AKAP9: variants seen among roughly 807,000 people sequenced by gnomAD.
AKAP9 encodes A-kinase anchoring protein 9.
In AKAP9, 311 loss-of-function variants were observed where a neutral mutation model predicts 488.5. The observed-to-expected ratio is 0.64, with a 90% CI of 0.58 to 0.70. AKAP9 has a LOEUF of 0.70. Ranked by LOEUF, AKAP9 falls within the 30% of genes least tolerant of loss-of-function variation. The pLI is 0.00. For synonymous variants in AKAP9, 1,462 were observed against 1,483.5 expected, an observed-to-expected ratio of 0.99 and a Z score of 0.33; for missense variants, 4,215 against 4,374.5, an observed-to-expected ratio of 0.96 and a Z score of 1.03.
intron 17 of AKAP9, 23 bp from the exon 18 acceptor site, chr7:92,040,651 T>G (rs781044481): frequency 8.9e-6 from 13 of 1,456,664 alleles, no homozygotes; most frequent in Middle Eastern, 1.7e-4. Context: ...GAATTGTTTT[T>G]TTTTTTTTTT....
At chr7:92,054,022 G>A (rs956516559) in intron 22 of AKAP9, among the ~76,000 whole-genome samples, 1 of 152,052 alleles carries the variant, frequency 6.6e-6, no homozygotes, top group South Asian at 2.1e-4. Context: ...CTAGTTGTTG[G>A]CATTAGGTAT....
chr7:91,996,408 G>A (rs755439800), intron 7 of AKAP9, among the ~76,000 whole-genome samples: 24 of 152,110 alleles, frequency 1.6e-4, no homozygotes, highest in Non-Finnish European at 3.2e-4. Context: ...GTTCAGAAGT[G>A]ACTTGCCTGA....
chr7:91,958,642 C>T (rs143113472), intron 1 of AKAP9, among the ~76,000 whole-genome samples: 1,853 of 152,068 alleles, frequency 0.012, 20 homozygotes, highest in Non-Finnish European at 0.017. Flanking sequence ...AGTAAATATA[C>T]TTTAGAGTTG....
intron 17 of AKAP9, among the ~76,000 whole-genome samples, chr7:92,040,238 C>A (rs1441734200): frequency 6.6e-6 from 1 of 152,040 alleles, no homozygotes; most frequent in African/African-American, 2.4e-5. Flanking sequence ...ACTGTGATAA[C>A]CACTGTGTAA....
chr7:92,091,304 C>T (rs528950349), intron 38 of AKAP9, among the ~76,000 whole-genome samples: 1 of 151,956 alleles, frequency 6.6e-6, no homozygotes, highest in African/African-American at 2.4e-5. Context: ...AAAGCTGAAG[C>T]AGGCTGGGCC....
rs1342889309 is a variant in AKAP9, at chr7:92,052,734, G to A, written c.5377G>A (p.Glu1793Lys). Residue 1793 changes from glutamate (E) to lysine (K), a missense_variant, in exon 22 of 50, where the codon GAA (glutamate) becomes AAA (lysine). Physicochemically the swap from Glu to Lys is moderately conservative, Grantham distance 56. Transcript: ENST00000356239. ...AAACACTGTTATTCTAGTTACAGAT[G>A]AATCCATTCCCTCTTATTCTGGAAG... is the stretch of plus-strand genomic sequence containing the variant. ...VHEEHTRVTD[E>K]SIPSYSGSDM... The A allele has an allele frequency of 6.2e-7, 1 of 1,607,362 alleles. No homozygotes were observed. Among genetic ancestry groups the A allele is most frequent in the Admixed American group, 1.7e-5 (1 of 59,950 alleles).
In AKAP9 at chr7:92,110,193, A is replaced by C. The variant is rs1408685745; in HGVS notation, c.*34A>C. 2 of 1,536,036 alleles carry C rather than the reference A, an allele frequency of 1.3e-6. No homozygotes were observed. The highest frequency in any genetic ancestry group is 1.1e-5 in the South Asian group (1 of 87,280). ...AACATCATTAATTGAAGTGATTTTA[A>C]ATAGATTTCCTTTTGTAAATCAATG... is the stretch of plus-strand genomic sequence containing the variant. On this transcript the variant is annotated 3_prime_UTR_variant, in exon 50 of 50. Coordinates refer to ENST00000356239, the MANE Select transcript of AKAP9 (RefSeq NM_005751.5).
At position 92,062,468 on chromosome 7, in the gene AKAP9, G is replaced by T. The variant is rs759033697; in HGVS notation, c.5959G>T (p.Ala1987Ser). Residue 1987 changes from alanine (A) to serine (S), a missense_variant, in exon 24 of 50, where the codon GCA becomes TCA. By Grantham distance (99) the Ala-to-Ser change is moderately conservative. Around this residue, in one of 5 missense-constraint regions of AKAP9, gnomAD observed 2,361 missense variants for 2,430.0 expected, o/e 0.97. Transcript: ENST00000356239. The part of the protein sequence containing the change: ...SRQKEAMKAE[A>S]GPVEQQLLQE... ...ACAAAAGGAAGCTATGAAAGCAGAG[G>T]CAGGCCCAGTTGAACAACGTAAGTA... The T allele has an allele frequency of 5.0e-6, 8 of 1,613,274 alleles. No homozygotes were observed. The highest frequency in any genetic ancestry group is 3.3e-5 in the South Asian group (3 of 91,082).
chr7:92,078,158 G>T (rs927499393), intron 30 of AKAP9, among the ~76,000 whole-genome samples: 1 of 151,824 alleles, frequency 6.6e-6, no homozygotes, highest in Non-Finnish European at 1.5e-5. Flanking sequence ...CATCACACCT[G>T]GCTAATTTTT....
At chr7:92,101,994 A>G (rs1402816270) in intron 45 of AKAP9, among the ~76,000 whole-genome samples, 2 of 152,044 alleles carry the variant, frequency 1.3e-5, no homozygotes, top group African/African-American at 4.8e-5. Context: ...CATCTCTACT[A>G]GAAATACAAA....
At chr7:92,060,162 A>C (rs1809518464) in intron 22 of AKAP9, among the ~76,000 whole-genome samples, 1 of 152,074 alleles carries the variant, frequency 6.6e-6, no homozygotes, top group South Asian at 2.1e-4. Context: ...AGTCTTTAAC[A>C]ATAAAGTATC....
intron 14 of AKAP9, among the ~76,000 whole-genome samples, chr7:92,028,855 G>A (rs1006779402): frequency 1.7e-4 from 26 of 152,150 alleles, no homozygotes; most frequent in African/African-American, 4.6e-4. Context: ...AGATATGTTT[G>A]TGGAGATCTG....
intron 1 of AKAP9, among the ~76,000 whole-genome samples, chr7:91,958,161 T>C (rs1360079152): frequency 6.6e-6 from 1 of 152,240 alleles, no homozygotes; most frequent in Non-Finnish European, 1.5e-5. Context: ...TCCATCAACA[T>C]GGATCACTAT....
At chr7:92,007,112 T>C (rs375797753) in intron 8 of AKAP9, among the ~76,000 whole-genome samples, 2 of 152,142 alleles carry the variant, frequency 1.3e-5, no homozygotes, top group East Asian at 3.9e-4. Flanking sequence ...GCCTTCATGT[T>C]AGAGTCAGGA....
chr7:92,064,477 A>C (rs1810430394), intron 24 of AKAP9, among the ~76,000 whole-genome samples: 2 of 152,212 alleles, frequency 1.3e-5, no homozygotes, highest in Admixed American at 1.3e-4. Flanking sequence ...ATTTAATGCC[A>C]AAATAACTCT....
At position 92,110,547 on chromosome 7, in the gene AKAP9, C is replaced by A. The variant is rs570398337; in HGVS notation, c.*388C>A. On this transcript the variant is annotated 3_prime_UTR_variant, in exon 50 of 50. Coordinates refer to ENST00000356239, the MANE Select transcript of AKAP9 (RefSeq NM_005751.5). ...AGTTACATGTTTTGCCTAATATATT[C>A]TACTGGTGATGAAGACAGATAATAT... 1.2e-5 allele frequency: 3 copies of A among 260,650 alleles called. No individual in the cohort carries two copies. The highest frequency in any genetic ancestry group is 5.1e-5 in the Admixed American group (1 of 19,688). 16.1% of individuals were successfully genotyped at this position (260,650 alleles called of 1,614,324 possible). A position where few individuals can be genotyped will look rare whatever the true frequency, so the allele number is the denominator to read the frequency against.
intron 35 of AKAP9, 31 bp from the exon 36 acceptor site, chr7:92,085,464 A>T (rs1318477037): frequency 1.9e-6 from 3 of 1,604,278 alleles, no homozygotes; most frequent in Non-Finnish European, 2.6e-6. Context: ...AGAAGTTGTC[A>T]TAATTCTGGC....
chr7:92,038,308 C>T (rs945027292), intron 16 of AKAP9, 111 bp from the exon 17 acceptor site: 16 of 767,746 alleles, frequency 2.1e-5, no homozygotes, highest in East Asian at 8.1e-5. Flanking sequence ...TGTTTAGAAC[C>T]GTGAGGCCAT....
chr7:92,032,868 A>G (rs1804523162), intron 16 of AKAP9, among the ~76,000 whole-genome samples: 1 of 152,172 alleles, frequency 6.6e-6, no homozygotes, highest in South Asian at 2.1e-4. Context: ...ATCAGGGTAT[A>G]GTAATTAACA....
Sources: gnomAD v4.1 joint callset for allele counts (sites outside exome capture counted in the v4.1 genomes callset) on GRCh38, gnomAD v4.1.1 for gene constraint, gnomAD v4.1.1 regional missense constraint, MANE v1.5 for transcripts, NCBI Gene and HGNC (gene_info 2026-07-23, HGNC 2026-07-21) for gene names.